SERGEF: variants seen among roughly 807,000 people sequenced by gnomAD.
The protein encoded by SERGEF is secretion regulating guanine nucleotide exchange factor.
Under a neutral mutation model 50.0 loss-of-function variants are expected in SERGEF, and 51 were observed. The ratio of observed to expected loss-of-function variants is 1.02; its 90% confidence interval spans 0.81 to 1.29. The LOEUF is 1.29. Ranked by LOEUF, SERGEF falls within the 50% of genes most tolerant of loss-of-function variation. SERGEF has a pLI of 0.00. For synonymous variants in SERGEF, 205 were observed against 212.4 expected, an observed-to-expected ratio of 0.97 and a Z score of 0.30; for missense variants, 521 against 557.0, an observed-to-expected ratio of 0.94 and a Z score of 0.65.
intron 9 of SERGEF, among the ~76,000 whole-genome samples, chr11:17,938,219 G>T (rs1377078898): frequency 6.6e-6 from 1 of 152,158 alleles, no homozygotes; most frequent in African/African-American, 2.4e-5. Context: ...CATGGGAAAG[G>T]AAAGGAGGAG....
intron 10 of SERGEF, among the ~76,000 whole-genome samples, chr11:17,877,249 G>A (rs1234715451): frequency 6.6e-6 from 1 of 152,194 alleles, no homozygotes; most frequent in Admixed American, 6.5e-5. Context: ...AGTCAGTGGT[G>A]GGGTTGTAAC....
At chr11:17,844,739 G>A (rs1007900079) in intron 10 of SERGEF, among the ~76,000 whole-genome samples, 1 of 152,070 alleles carries the variant, frequency 6.6e-6, no homozygotes, top group Non-Finnish European at 1.5e-5. Context: ...TGCCCTTCCA[G>A]CTTTAGATTC....
intron 10 of SERGEF, among the ~76,000 whole-genome samples, chr11:17,815,781 G>A (rs948582363): frequency 5.9e-5 from 9 of 151,924 alleles, no homozygotes; most frequent in Non-Finnish European, 1.0e-4. Context: ...AATTAGCTGG[G>A]CGTGGTGGCA....
intron 7 of SERGEF, among the ~76,000 whole-genome samples, chr11:17,992,426 C>T (rs900042481): frequency 6.6e-6 from 1 of 152,254 alleles, no homozygotes; most frequent in South Asian, 2.1e-4. Context: ...AGAGTATACA[C>T]AGGTAGAGAG....
intron 9 of SERGEF, among the ~76,000 whole-genome samples, chr11:17,912,455 T>A (rs528145640): frequency 9.4e-4 from 143 of 152,342 alleles, no homozygotes; most frequent in South Asian, 2.9e-3. Flanking sequence ...CATAAGATTC[T>A]ATCATTGAGG....
intron 10 of SERGEF, among the ~76,000 whole-genome samples, chr11:17,791,543 T>C (rs1486442110): frequency 6.6e-6 from 1 of 152,358 alleles, no homozygotes; most frequent in South Asian, 2.1e-4. Context: ...ATAATTACAA[T>C]GTTTATCAGA....
chr11:18,008,760 C>T (rs1854135139), intron 1 of SERGEF, among the ~76,000 whole-genome samples: 1 of 151,720 alleles, frequency 6.6e-6, no homozygotes, highest in South Asian at 2.1e-4. Context: ...TCCTTACCCC[C>T]TCCTCCTGCA....
chr11:17,984,761 T>G (rs560385884), intron 8 of SERGEF, among the ~76,000 whole-genome samples: 86 of 152,322 alleles, frequency 5.6e-4, no homozygotes, highest in Non-Finnish European at 1.0e-3. Flanking sequence ...CCTTGGTCTA[T>G]CTGACTTCAA....
chr11:18,000,637 CA>C, intron 4 of SERGEF, 80 bp from the exon 5 acceptor site: 2 of 998,204 alleles, frequency 2.0e-6, no homozygotes, highest in Non-Finnish European at 3.1e-6. Context: ...AAATACAATG[CA>C]GTACGGTCCT....
At chr11:17,872,127 T>C (rs1006847230) in intron 10 of SERGEF, among the ~76,000 whole-genome samples, 3 of 152,186 alleles carry the variant, frequency 2.0e-5, no homozygotes, top group African/African-American at 7.2e-5. Flanking sequence ...CACAATGTGT[T>C]GAACAAAAGA....
chr11:17,994,475 C>CAAA lies in SERGEF; in HGVS notation c.622+1318_622+1320dup, dbSNP rs58280362. Among the ~76,000 whole-genome samples, 786 of 62,888 alleles carry CAAA rather than the reference C, an allele frequency of 0.012. 47 individuals carry two copies. In the East Asian group the frequency reaches 0.15, roughly 12 times the overall value. The allele number at this position is 62,888 out of a possible 152,430, so 41.3% of individuals were successfully genotyped here. On this transcript the variant is annotated intron_variant, in intron 6 of 10. Coordinates refer to ENST00000265965, the MANE Select transcript of SERGEF (RefSeq NM_012139.4). Reference sequence around the variant, plus strand: ...TGGGCGACAGAGTGAGACTCTGTCTCAAAAAAAAAAAAAAAAAAAAAAAAT... The same window carrying CAAA: ...TGGGCGACAGAGTGAGACTCTGTCTCAAAAAAAAAAAAAAAAAAAAAAAAAAAT...
At chr11:17,816,636 T>A (rs1849979989) in intron 10 of SERGEF, among the ~76,000 whole-genome samples, 1 of 152,184 alleles carries the variant, frequency 6.6e-6, no homozygotes, top group African/African-American at 2.4e-5. Context: ...AAGCGTGCAG[T>A]CTGACACCAC....
intron 8 of SERGEF, among the ~76,000 whole-genome samples, chr11:17,985,098 T>G (rs991436747): frequency 6.6e-6 from 1 of 152,102 alleles, no homozygotes; most frequent in Non-Finnish European, 1.5e-5. Context: ...GCTGTCAGAG[T>G]TTGATATTGA....
chr11:17,912,974 T>C (rs1438473968), intron 9 of SERGEF, among the ~76,000 whole-genome samples: 1 of 152,204 alleles, frequency 6.6e-6, no homozygotes, highest in African/African-American at 2.4e-5. Context: ...AGATAATGGG[T>C]GCAAAGGATC....
intron 10 of SERGEF, among the ~76,000 whole-genome samples, chr11:17,844,780 T>C (rs1462485109): frequency 1.3e-5 from 2 of 152,052 alleles, no homozygotes. Context: ...AAGACAGACA[T>C]GGGCCAGGGG....
intron 10 of SERGEF, among the ~76,000 whole-genome samples, chr11:17,848,277 A>C (rs1015711445): frequency 6.6e-6 from 1 of 152,242 alleles, no homozygotes; most frequent in Admixed American, 6.5e-5. Context: ...CTAGGAAGTC[A>C]GGGAAATTTG....
intron 3 of SERGEF, among the ~76,000 whole-genome samples, chr11:18,006,198 G>T (rs1253111080): frequency 6.6e-6 from 1 of 152,178 alleles, no homozygotes; most frequent in Non-Finnish European, 1.5e-5. Flanking sequence ...TTGCTCTGTT[G>T]CTCAGGCTGG....
At chr11:17,981,905 A>G (rs1853503098) in intron 8 of SERGEF, among the ~76,000 whole-genome samples, 2 of 152,056 alleles carry the variant, frequency 1.3e-5, no homozygotes, top group Non-Finnish European at 2.9e-5. Context: ...GGCTCAAGCC[A>G]TCCTCCTGCC....
intron 10 of SERGEF, among the ~76,000 whole-genome samples, chr11:17,788,822 C>A (rs975934389): frequency 6.6e-6 from 1 of 152,258 alleles, no homozygotes; most frequent in Non-Finnish European, 1.5e-5. Flanking sequence ...CTGGGCCATG[C>A]CAATAGCCAA....
Sources: allele counts gnomAD v4.1 joint callset (sites outside exome capture counted in the v4.1 genomes callset), GRCh38; gene constraint gnomAD v4.1.1; transcripts MANE v1.5; gene names NCBI Gene and HGNC (gene_info 2026-07-23, HGNC 2026-07-21).